The following PPFIA1 variants were observed in gnomAD, a reference collection of about 807,000 sequenced individuals.
The protein encoded by PPFIA1 is liprin-alpha-1.
Under a neutral mutation model 149.9 loss-of-function variants are expected in PPFIA1, and 25 were observed. That is an observed-to-expected ratio of 0.17 (90% CI 0.12 to 0.23). PPFIA1 has a LOEUF of 0.23. PPFIA1 is among the 10% of genes least tolerant of loss of function. PPFIA1 has a pLI of 1.00. For synonymous variants in PPFIA1, 549 were observed against 552.8 expected, an observed-to-expected ratio of 0.99 and a Z score of 0.10; for missense variants, 1,362 against 1,506.5, an observed-to-expected ratio of 0.90 and a Z score of 1.59.
In PPFIA1 at chr11:70,279,231, C is replaced by G. The variant is rs2050594691; in HGVS notation, c.264+6795C>G. ...GCCCACCAGGAACTGCAAATTGGCT[C>G]TCTTGTGAGTGGGAAGCTGCCTTTG... On this transcript the variant is annotated intron_variant, in intron 2 of 27. Coordinates refer to ENST00000253925, the MANE Select transcript of PPFIA1 (RefSeq NM_003626.5). 2 of 354,280 alleles carry G rather than the reference C, an allele frequency of 5.6e-6. 1 individual carries two copies. Among genetic ancestry groups the G allele is most frequent in the South Asian group, 8.3e-5 (2 of 24,040 alleles). The allele number at this position is 354,280 out of a possible 1,614,324, so 21.9% of individuals were successfully genotyped here.
At chr11:70,277,058 A>ATCT (rs34038893) in intron 2 of PPFIA1, among the ~76,000 whole-genome samples, 5 of 52,538 alleles carry the variant, frequency 9.5e-5, no homozygotes, top group Non-Finnish European at 1.3e-4. Context: ...ATATATATAT[A>ATCT]TATTTTTTTT....
At chr11:70,367,826 G>A (rs1211940584) in intron 21 of PPFIA1, among the ~76,000 whole-genome samples, 1 of 152,174 alleles carries the variant, frequency 6.6e-6, no homozygotes, top group Non-Finnish European at 1.5e-5. Flanking sequence ...AATAATACCA[G>A]ATATCCCTGC....
At chr11:70,299,085 A>G (rs1015980774) in intron 2 of PPFIA1, among the ~76,000 whole-genome samples, 2 of 152,034 alleles carry the variant, frequency 1.3e-5, no homozygotes, top group Non-Finnish European at 2.9e-5. Context: ...CTAAAAACAC[A>G]AAAATTAGCC....
chr11:70,277,060 A>AATATATATATATATATATATTTTTTT (rs2050438033), intron 2 of PPFIA1, among the ~76,000 whole-genome samples: 1 of 66,312 alleles, frequency 1.5e-5, no homozygotes, highest in African/African-American at 1.2e-4. Flanking sequence ...ATATATATAT[A>AATATATATATATATATATATTTTTTT]TTTTTTTTTT....
At chr11:70,376,622 CTTTAAATGTCTGAAATGTGTGTAAATG>C in intron 25 of PPFIA1, 22 bp downstream of exon 25, 2 of 1,550,240 alleles carry the variant, frequency 1.3e-6, no homozygotes, top group Non-Finnish European at 1.8e-6. Context: ...GCCTAATGTT[CTTTAAATGTCTGAAATGTGTGTAAATG>C]TTTAAATGTG....
At chr11:70,340,610 G>T (rs586164) in intron 14 of PPFIA1, among the ~76,000 whole-genome samples, 1 of 151,998 alleles carries the variant, frequency 6.6e-6, no homozygotes, top group Non-Finnish European at 1.5e-5. Flanking sequence ...GGGCCAGGCC[G>T]CATTACAGAC....
intron 2 of PPFIA1, among the ~76,000 whole-genome samples, chr11:70,280,628 C>T (rs951611309): frequency 3.9e-5 from 6 of 152,120 alleles, no homozygotes; most frequent in Non-Finnish European, 5.9e-5. Context: ...CAGTGGCGCG[C>T]GTGATCACTG....
chr11:70,273,002 G>T (rs187875248), intron 2 of PPFIA1, among the ~76,000 whole-genome samples: 32 of 152,380 alleles, frequency 2.1e-4, no homozygotes, highest in Admixed American at 1.4e-3. Flanking sequence ...CTTAGGCCGG[G>T]TGTGGTGGCT....
chr11:70,371,679 A>G (rs570203037), intron 21 of PPFIA1: 1 of 111,748 alleles, frequency 8.9e-6, no homozygotes, highest in Admixed American at 9.3e-5. Context: ...GAAGTGTTGA[A>G]TTTTTTCAAC....
chr11:70,357,712 G>C (rs758117425), intron 19 of PPFIA1, among the ~76,000 whole-genome samples: 1 of 151,212 alleles, frequency 6.6e-6, no homozygotes, highest in East Asian at 2.0e-4. Context: ...TCAGCTTCCC[G>C]AGTAGCTGGG....
intron 16 of PPFIA1, among the ~76,000 whole-genome samples, chr11:70,352,300 T>C (rs996364001): frequency 6.6e-6 from 1 of 152,214 alleles, no homozygotes; most frequent in African/African-American, 2.4e-5. Flanking sequence ...TAAAGTGGCA[T>C]TGGACCTGTG....
rs1396063274 is a variant in PPFIA1 at position 70,278,728 on chromosome 11, T to C, written c.264+6292T>C. On this transcript the variant is annotated intron_variant, in intron 2 of 27. Transcript: ENST00000253925. ...TTCTTTGAAGCCACAGTAACAAATATGGTTAAGACTTGAATGTAGAAATTT... is the reference window on the plus strand; with the variant it reads ...TTCTTTGAAGCCACAGTAACAAATACGGTTAAGACTTGAATGTAGAAATTT... 2.6e-5 allele frequency among the ~76,000 whole-genome samples: 4 copies of C among 152,196 alleles called. No individual in the cohort carries two copies. The East Asian group carries it at 7.7e-4, about 29-fold the overall frequency.
chr11:70,310,396 T>C (rs1293977325), intron 2 of PPFIA1, among the ~76,000 whole-genome samples: 2 of 151,394 alleles, frequency 1.3e-5, no homozygotes, highest in Non-Finnish European at 1.5e-5. Flanking sequence ...TTTTTTTTTT[T>C]TTTTTTTTGA....
At chr11:70,368,521 C>T (rs1279610402) in intron 21 of PPFIA1, among the ~76,000 whole-genome samples, 1 of 152,018 alleles carries the variant, frequency 6.6e-6, no homozygotes, top group Non-Finnish European at 1.5e-5. Context: ...CCTCGGGTAC[C>T]TTCCTTCGAT....
intron 7 of PPFIA1, among the ~76,000 whole-genome samples, chr11:70,328,137 A>C (rs767262984): frequency 2.8e-4 from 43 of 152,032 alleles, no homozygotes; most frequent in Non-Finnish European, 4.1e-4. Flanking sequence ...TTACATAAGT[A>C]AACTTGTGTC....
At chr11:70,295,512 ACC>A (rs527569852) in intron 2 of PPFIA1, among the ~76,000 whole-genome samples, 1 of 60,632 alleles carries the variant, frequency 1.6e-5, no homozygotes, top group Non-Finnish European at 3.3e-5. Flanking sequence ...GGGGGGGCTG[ACC>A]CCCCCCACCT....
At chr11:70,382,245 A>G in intron 27 of PPFIA1, 87 bp downstream of exon 27, 1 of 985,476 alleles carries the variant, frequency 1.0e-6, no homozygotes, top group Non-Finnish European at 1.5e-6. Flanking sequence ...AGGGGTGTGG[A>G]CCATGAAAGC....
At chr11:70,297,641 T>TC (rs1272157181) in intron 2 of PPFIA1, among the ~76,000 whole-genome samples, 1 of 152,174 alleles carries the variant, frequency 6.6e-6, no homozygotes, top group Non-Finnish European at 1.5e-5. Context: ...ACCTGTGTGA[T>TC]CTGCACAGAA....
chr11:70,351,096 T>C (rs1049379185), intron 16 of PPFIA1: 4 of 845,700 alleles, frequency 4.7e-6, no homozygotes, highest in Non-Finnish European at 6.2e-6. Flanking sequence ...ATATTTTCCA[T>C]AAATGTAGCA....
Sources: allele counts gnomAD v4.1 joint callset (sites outside exome capture counted in the v4.1 genomes callset), GRCh38; gene constraint gnomAD v4.1.1; transcripts MANE v1.5; gene names NCBI Gene and HGNC (gene_info 2026-07-23, HGNC 2026-07-21).